The following TRIM31 variants were observed in gnomAD, a reference collection of about 807,000 sequenced individuals.
The protein encoded by TRIM31 is tripartite motif containing 31.
TRIM31 carries 31 observed loss-of-function variants against 40.6 expected under a neutral mutation model. That is an observed-to-expected ratio of 0.76 (90% CI 0.57 to 1.03). The LOEUF (loss-of-function observed/expected upper bound fraction) is 1.03. Ranked by LOEUF, TRIM31 falls within the 50% of genes least tolerant of loss-of-function variation. The pLI, the probability that TRIM31 is intolerant of heterozygous loss-of-function variation, is 0.00. For synonymous variants in TRIM31, 164 were observed against 193.9 expected (o/e 0.85, Z 1.28); for missense variants, 455 against 497.5 (o/e 0.91, Z 0.81).
chr6:30,110,580 G>A lies in TRIM31; in HGVS notation c.612C>T (p.Tyr204=), dbSNP rs1484932368. 6.2e-7 allele frequency: 1 copy of A among 1,614,126 alleles called. No homozygotes were observed. Among genetic ancestry groups the A allele is most frequent in the Non-Finnish European group, 8.5e-7 (1 of 1,180,054 alleles). ...EEKNFLLSRI[Y]WLGHEGTEAG... is the part of the protein sequence containing the mutation. ...CTTCCGTTCCCTCATGACCCAGCCA[G>A]TAAATCCGTGATAGCAGGAAATTCT... The change falls in exon 4 of 9, where the codon TAC becomes TAT. Residue 204 remains tyrosine (Y), a synonymous_variant. Coordinates refer to ENST00000376734, the MANE Select transcript of TRIM31 (RefSeq NM_007028.5).
Position 30,112,530 on chromosome 6 carries a change from C to T in TRIM31, c.276G>A (p.Glu92=), listed in dbSNP as rs753447669. ...TCTCCTGGTGCCTCGGGCATGTAGC[C>T]TCTTTCCTTTTGGACTGCACCTCAG... ...QASEVQSKRK[E]ATCPRHQEMF... The change falls in exon 2 of 9, where the codon GAG becomes GAA. Residue 92 remains glutamate, a synonymous_variant. Transcript: ENST00000376734. 1.2e-6 allele frequency: 2 copies of T among 1,613,128 alleles called. No homozygotes were observed. The highest frequency in any genetic ancestry group is 1.1e-5 in the South Asian group (1 of 91,082).
At chr6:30,112,978 G>GA (rs1769518820) in intron 1 of TRIM31, 86 bp downstream of exon 1, 5 of 554,048 alleles carry the variant, frequency 9.0e-6, no homozygotes, top group Non-Finnish European at 1.5e-5. Flanking sequence ...AGAAGAGGGA[G>GA]AAAAAAATAA....
chr6:30,106,743 G>T (rs1768750530), intron 6 of TRIM31, among the ~76,000 whole-genome samples: 2 of 152,150 alleles, frequency 1.3e-5, no homozygotes, highest in South Asian at 4.1e-4. Flanking sequence ...AGTGGAAAGG[G>T]CTGGGCTCCT....
chr6:30,109,148 G>T, intron 4 of TRIM31, 100 bp from the exon 5 acceptor site: 3 of 1,220,020 alleles, frequency 2.5e-6, no homozygotes, highest in Non-Finnish European at 2.4e-6. Flanking sequence ...AGAGCAGGAG[G>T]AGTAAGAACC....
chr6:30,105,272 G>T, intron 6 of TRIM31, 30 bp from the exon 7 acceptor site: 1 of 1,573,806 alleles, frequency 6.4e-7, no homozygotes, highest in Non-Finnish European at 8.7e-7. Context: ...ATGAAATGGT[G>T]AGAGTCCAGA....
In TRIM31 at chr6:30,103,744, G is replaced by A; in HGVS notation, c.1070C>T (p.Pro357Leu). 1.2e-6 allele frequency: 2 copies of A among 1,613,070 alleles called. No individual in the cohort carries two copies. Among genetic ancestry groups the A allele is most frequent in the Non-Finnish European group, 1.7e-6 (2 of 1,180,032 alleles). The part of the protein sequence containing the change: ...SGPPNHHSSA[P>L]SHSLFRASSA... ...CGAGGCCCGAAACAGGGAGTGGGATGGGGCTGAAGAGTGGTGATTTGGTGG... is the reference window on the plus strand; with the variant it reads ...CGAGGCCCGAAACAGGGAGTGGGATAGGGCTGAAGAGTGGTGATTTGGTGG... Residue 357 changes from proline to leucine, a missense_variant, in exon 9 of 9, where the codon CCA becomes CTA. By Grantham distance (98) the Pro-to-Leu change is moderately conservative. Transcript: ENST00000376734.
In TRIM31 at chr6:30,112,858, G is replaced by A. The variant is rs1769506879; in HGVS notation, c.-53C>T. 2.0e-6 allele frequency: 3 copies of A among 1,522,652 alleles called. No homozygotes were observed. Among genetic ancestry groups the A allele is most frequent in the Non-Finnish European group, 2.6e-6 (3 of 1,137,028 alleles). 94.3% of individuals were successfully genotyped at this position (1,522,652 alleles called of 1,614,324 possible). A position where few individuals can be genotyped will look rare whatever the true frequency, so the allele number is the denominator to read the frequency against. ...TGTAGGAAGCTGTGCCAAGTCTGTA[G>A]GAGCCCCGGAGTCCACTGTGGATAC... On this transcript the variant is annotated 5_prime_UTR_variant, in exon 2 of 9. Coordinates refer to ENST00000376734, the MANE Select transcript of TRIM31 (RefSeq NM_007028.5).
chr6:30,111,554 A>T, intron 3 of TRIM31, 94 bp downstream of exon 3: 1 of 1,283,630 alleles, frequency 7.8e-7, no homozygotes, highest in Non-Finnish European at 1.1e-6. Context: ...GGCTCACTGG[A>T]TCTTTTTCTG....
Position 30,111,641 on chromosome 6 carries a change from T to C in TRIM31, c.513+7A>G, listed in dbSNP as rs1769331705. On this transcript the variant is annotated splice_region_variant and intron_variant, in intron 3 of 8. Transcript: ENST00000376734. ...TTCCAGAGATCGTGGGATGGAGTTT[T>C]TCTTACCGTGAAGACATCGACCCTG... 1.2e-6 allele frequency: 2 copies of C among 1,613,584 alleles called. No individual in the cohort carries two copies. Among genetic ancestry groups the C allele is most frequent in the East Asian group, 4.5e-5 (2 of 44,880 alleles).
At chr6:30,111,030 C>CTGTTTTTTTTTTTTTTTT in intron 3 of TRIM31, among the ~76,000 whole-genome samples, 1 of 114,296 alleles carries the variant, frequency 8.7e-6, no homozygotes, top group African/African-American at 3.3e-5. Flanking sequence ...TTCCTTCTGT[C>CTGTTTTTTTTTTTTTTTT]TTTTTTTTTT....
At position 30,103,082 on chromosome 6, in the gene TRIM31, G is replaced by A. The variant is rs1266853625; in HGVS notation, c.*454C>T. On this transcript the variant is annotated 3_prime_UTR_variant, in exon 9 of 9. Coordinates refer to ENST00000376734, the MANE Select transcript of TRIM31 (RefSeq NM_007028.5). ...AGGGGTTGGGAGAGAAGGGGGACGT[G>A]GGAATGTAAGGAAGAGCGAGAGTGG... 5.4e-6 allele frequency: 1 copy of A among 185,728 alleles called. No homozygotes were observed. The highest frequency in any genetic ancestry group is 1.1e-5 in the Non-Finnish European group (1 of 88,636). The allele number at this position is 185,728 out of a possible 1,614,324, so 11.5% of individuals were successfully genotyped here.
intron 7 of TRIM31, among the ~76,000 whole-genome samples, chr6:30,104,533 C>T (rs1223488969): frequency 6.6e-6 from 1 of 152,194 alleles, no homozygotes; most frequent in East Asian, 1.9e-4. Context: ...TAGTTTCTGG[C>T]TTTGGAGAAA....
At chr6:30,108,938 G>A (rs772393267) in intron 5 of TRIM31, 88 bp downstream of exon 5, 1 of 1,405,384 alleles carries the variant, frequency 7.1e-7, no homozygotes, top group Non-Finnish European at 1.0e-6. Flanking sequence ...ATTTCTGAGA[G>A]AGGAATGTTG....
rs1434489869 is a variant in TRIM31 at position 30,112,842 on chromosome 6, C to T, written c.-37G>A. On this transcript the variant is annotated 5_prime_UTR_variant, in exon 2 of 9. Transcript: ENST00000376734. ...AGGGCTGTTTCAAGACTGTAGGAAG[C>T]TGTGCCAAGTCTGTAGGAGCCCCGG... 13 of 1,555,642 alleles carry T rather than the reference C, an allele frequency of 8.4e-6. No individual in the cohort carries two copies. In the East Asian group the frequency reaches 2.7e-4, roughly 32 times the overall value.
chr6:30,110,376 G>A, intron 4 of TRIM31, 72 bp downstream of exon 4: 2 of 1,450,840 alleles, frequency 1.4e-6, no homozygotes, highest in East Asian at 4.6e-5. Flanking sequence ...TATTCTGCCA[G>A]TGGTCCATGC....
At chr6:30,112,283 G>A in intron 2 of TRIM31, 106 bp downstream of exon 2, 1 of 1,356,198 alleles carries the variant, frequency 7.4e-7, no homozygotes, top group Non-Finnish European at 1.0e-6. Context: ...AGCCCAAGGG[G>A]TGGGGGCAAT....
At chr6:30,111,764 G>T in intron 2 of TRIM31, 21 bp from the exon 3 acceptor site, 1 of 1,612,732 alleles carries the variant, frequency 6.2e-7, no homozygotes, top group East Asian at 2.2e-5. Context: ...AGGGCCGTTT[G>T]GACAGGCTGT....
intron 6 of TRIM31, among the ~76,000 whole-genome samples, chr6:30,107,171 G>A (rs561471179): frequency 1.3e-5 from 2 of 152,290 alleles, no homozygotes; most frequent in African/African-American, 4.8e-5. Flanking sequence ...TGGGGTGGGA[G>A]GAGCTAGACA....
Position 30,103,086 on chromosome 6 carries a change from A to C in TRIM31, c.*450T>G. The C allele has an allele frequency of 1.1e-5, 2 of 185,836 alleles. No homozygotes were observed. Among genetic ancestry groups the C allele is most frequent in the Non-Finnish European group, 2.3e-5 (2 of 88,424 alleles). 11.5% of individuals were successfully genotyped at this position (185,836 alleles called of 1,614,324 possible). ...GTTGGGAGAGAAGGGGGACGTGGGA[A>C]TGTAAGGAAGAGCGAGAGTGGTCGG... On this transcript the variant is annotated 3_prime_UTR_variant, in exon 9 of 9. Coordinates refer to ENST00000376734, the MANE Select transcript of TRIM31 (RefSeq NM_007028.5).
Sources: allele counts gnomAD v4.1 joint callset (sites outside exome capture counted in the v4.1 genomes callset), GRCh38; gene constraint gnomAD v4.1.1; transcripts MANE v1.5; gene names NCBI Gene and HGNC (gene_info 2026-07-23, HGNC 2026-07-21).